FCHSD2: variants seen among roughly 807,000 people sequenced by gnomAD.
The protein encoded by FCHSD2 is FCH and double SH3 domains 2.
Under a neutral mutation model 108.1 loss-of-function variants are expected in FCHSD2, and 38 were observed. The ratio of observed to expected loss-of-function variants is 0.35; its 90% CI spans 0.27 to 0.46. FCHSD2 has a LOEUF of 0.46. FCHSD2 is among the 20% of genes least tolerant of loss of function. The probability of loss-of-function intolerance (pLI) is 1.00; values close to 1 mark genes in which losing one functional copy is unlikely to be tolerated. For synonymous variants in FCHSD2, 279 were observed against 314.7 expected, an observed-to-expected ratio of 0.89 and a Z score of 1.20; for missense variants, 751 against 897.8, an observed-to-expected ratio of 0.84 and a Z score of 2.09.
intron 2 of FCHSD2, among the ~76,000 whole-genome samples, chr11:73,133,379 T>C (rs1861048258): frequency 6.6e-6 from 1 of 152,168 alleles, no homozygotes; most frequent in African/African-American, 2.4e-5. Flanking sequence ...CTCTGTCAAC[T>C]GATGAAGGGA....
At chr11:73,071,014 C>T (rs906930062) in intron 3 of FCHSD2, among the ~76,000 whole-genome samples, 2 of 152,170 alleles carry the variant, frequency 1.3e-5, no homozygotes, top group African/African-American at 2.4e-5. Flanking sequence ...TCCAATTCCA[C>T]AAGCAATTGG....
chr11:72,973,082 G>A (rs1194921831), intron 8 of FCHSD2, among the ~76,000 whole-genome samples: 2 of 152,170 alleles, frequency 1.3e-5, no homozygotes, highest in African/African-American at 4.8e-5. Context: ...AAATGGGTAA[G>A]TTATGGCCGG....
intron 2 of FCHSD2, among the ~76,000 whole-genome samples, chr11:73,122,080 CAAGT>C (rs1333408327): frequency 6.6e-6 from 1 of 151,718 alleles, no homozygotes; most frequent in Admixed American, 6.6e-5. Flanking sequence ...AAAGCAAAAC[CAAGT>C]AAGAAACAGT....
intron 3 of FCHSD2, among the ~76,000 whole-genome samples, chr11:73,020,642 G>C (rs1386073399): frequency 6.6e-6 from 1 of 151,398 alleles, no homozygotes. Context: ...ATTCTTCATT[G>C]TTCTGTGTGG....
At chr11:73,017,926 T>C (rs886754937) in intron 3 of FCHSD2, among the ~76,000 whole-genome samples, 8 of 152,214 alleles carry the variant, frequency 5.3e-5, no homozygotes, top group African/African-American at 1.9e-4. Flanking sequence ...TTATTAGCTA[T>C]AATTCTATAA....
chr11:73,005,132 A>G (rs146345787), intron 4 of FCHSD2, among the ~76,000 whole-genome samples: 4 of 152,354 alleles, frequency 2.6e-5, no homozygotes, highest in Non-Finnish European at 5.9e-5. Context: ...CATTCTTATG[A>G]GCAAACATGC....
At chr11:73,045,214 T>C (rs569386078) in intron 3 of FCHSD2, among the ~76,000 whole-genome samples, 1 of 151,768 alleles carries the variant, frequency 6.6e-6, no homozygotes, top group Admixed American at 6.6e-5. Flanking sequence ...AAAACCACAA[T>C]GAGATACCAT....
intron 8 of FCHSD2, among the ~76,000 whole-genome samples, chr11:72,963,671 A>T (rs1856855416): frequency 6.6e-6 from 1 of 152,234 alleles, no homozygotes; most frequent in Non-Finnish European, 1.5e-5. Context: ...ACCTCAGATG[A>T]TCAGGCATTA....
At position 73,107,046 on chromosome 11, in the gene FCHSD2, T is replaced by C. The variant is rs150945500; in HGVS notation, c.120-23306A>G. 4.9e-3 allele frequency among the ~76,000 whole-genome samples: 750 copies of C among 152,096 alleles called. 3 individuals are homozygous for C. The highest frequency in any genetic ancestry group is 0.015 in the African/African-American group (618 of 41,436). ...TTTTGTTAGAAAAGCTATATATATA[T>C]ATATATTTTTAAATGGAGTCTCACT... On this transcript the variant is annotated intron_variant, in intron 2 of 19. Transcript: ENST00000409418.
intron 6 of FCHSD2, among the ~76,000 whole-genome samples, chr11:72,988,522 G>A (rs1414063520): frequency 6.6e-6 from 1 of 152,112 alleles, no homozygotes; most frequent in Non-Finnish European, 1.5e-5. Flanking sequence ...TCTACATGGA[G>A]GTCAGTGCTT....
At chr11:73,079,059 C>A (rs950599935) in intron 3 of FCHSD2, among the ~76,000 whole-genome samples, 1 of 152,110 alleles carries the variant, frequency 6.6e-6, no homozygotes, top group Non-Finnish European at 1.5e-5. Flanking sequence ...TAATAGTTTA[C>A]ATGAGTGTGT....
At chr11:72,880,552 A>G in intron 12 of FCHSD2, among the ~76,000 whole-genome samples, 1 of 152,158 alleles carries the variant, frequency 6.6e-6, no homozygotes, top group Non-Finnish European at 1.5e-5. Flanking sequence ...CTGCCAAAGA[A>G]TGAAACTAGA....
chr11:73,095,751 T>C (rs375976990), intron 2 of FCHSD2, among the ~76,000 whole-genome samples: 3 of 152,088 alleles, frequency 2.0e-5, no homozygotes, highest in East Asian at 3.9e-4. Flanking sequence ...AGCTTTCCTG[T>C]TCATAGTTTG....
At chr11:72,850,004 C>A in intron 13 of FCHSD2, 115 bp from the exon 14 acceptor site, 2 of 679,450 alleles carry the variant, frequency 2.9e-6, no homozygotes, top group South Asian at 2.1e-5. Flanking sequence ...TTTAACTCTG[C>A]ATAGAAATGA....
chr11:73,030,110 T>G (rs2135449974), intron 3 of FCHSD2, among the ~76,000 whole-genome samples: 1 of 152,126 alleles, frequency 6.6e-6, no homozygotes, highest in Middle Eastern at 3.4e-3. Flanking sequence ...TTGAAAATAT[T>G]TTTGCCTACA....
rs10898901 is a variant in FCHSD2, at chr11:73,137,026, T to G, written c.119+3005A>C. 7.0e-3 allele frequency among the ~76,000 whole-genome samples: 1,071 copies of G among 152,222 alleles called. 6 individuals are homozygous for G. Among genetic ancestry groups the G allele is most frequent in the Middle Eastern group, 0.024 (7 of 294 alleles). On this transcript the variant is annotated intron_variant, in intron 2 of 19. Coordinates refer to ENST00000409418, the MANE Select transcript of FCHSD2 (RefSeq NM_014824.3). The stretch of plus-strand genomic sequence containing the variant: ...CTAGCCAACAGAGCGAGACTTTGTC[T>G]CAAAAACAAACAAAAAAACATCCAA...
At chr11:73,003,488 A>ATTTTTT (rs574233006) in intron 4 of FCHSD2, among the ~76,000 whole-genome samples, 2,340 of 139,270 alleles carry the variant, frequency 0.017, 48 homozygotes, top group African/African-American at 0.043. Context: ...TCATAGAGTG[A>ATTTTTT]TTTTTTTTTT....
chr11:72,976,566 C>T (rs1017863881), intron 8 of FCHSD2, among the ~76,000 whole-genome samples: 2 of 152,124 alleles, frequency 1.3e-5, no homozygotes, highest in Non-Finnish European at 2.9e-5. Context: ...AGGTGTAAGC[C>T]ACTGTGCCAG....
intron 2 of FCHSD2, among the ~76,000 whole-genome samples, chr11:73,099,513 TCATAA>T (rs1217915618): frequency 1.3e-5 from 2 of 152,180 alleles, no homozygotes; most frequent in African/African-American, 4.8e-5. Context: ...ACAGCATTAC[TCATAA>T]CAGTCAAGAA....
Sources: allele counts gnomAD v4.1 joint callset (sites outside exome capture counted in the v4.1 genomes callset), GRCh38; gene constraint gnomAD v4.1.1; transcripts MANE v1.5; gene names NCBI Gene and HGNC (gene_info 2026-07-23, HGNC 2026-07-21).